QARS1: variants seen among roughly 807,000 people sequenced by gnomAD.
QARS1 encodes the protein glutamine--tRNA ligase.
A neutral mutation model predicts 106.9 loss-of-function variants in QARS1; 79 were observed. That is an observed-to-expected ratio of 0.74 (90% CI 0.62 to 0.89). The LOEUF is 0.89. QARS1 is among the 40% of genes least tolerant of loss of function. QARS1 has a pLI of 0.00. For synonymous variants in QARS1, 395 were observed against 367.7 expected (o/e 1.07, Z -0.85); for missense variants, 966 against 997.2 (o/e 0.97, Z 0.42).
At position 49,102,466 on chromosome 3, in the gene QARS1, G is replaced by A. The variant is rs1451934818; in HGVS notation, c.523C>T (p.His175Tyr). Residue 175 changes from histidine to tyrosine, a missense_variant, in exon 6 of 24, where the codon CAC becomes TAC. His to Tyr is a moderately conservative substitution (Grantham distance 83). Transcript: ENST00000306125. Reference protein sequence around the residue: ...IKNEVDMQVLHLLGPKLEADL... With the variant: ...IKNEVDMQVLYLLGPKLEADL... ...GCCTCCAACTTGGGGCCCAGAAGGT[G>A]GAGGACCTGAGCAGAGACCAGAATC... is the stretch of plus-strand genomic sequence containing the variant. The A allele has an allele frequency of 6.2e-7, 1 of 1,614,020 alleles. No individual in the cohort carries two copies. Among genetic ancestry groups the A allele is most frequent in the Non-Finnish European group, 8.5e-7 (1 of 1,180,036 alleles).
At chr3:49,098,509 T>C in intron 20 of QARS1, 29 bp from the exon 21 acceptor site, 1 of 1,613,936 alleles carries the variant, frequency 6.2e-7, no homozygotes, top group East Asian at 2.2e-5. Flanking sequence ...GAGCAGCAAT[T>C]AGACCCGGGA....
At position 49,104,463 on chromosome 3, in the gene QARS1, C is replaced by T; in HGVS notation, c.126G>A (p.Gln42=). 6.2e-7 allele frequency: 1 copy of T among 1,614,102 alleles called. No individual in the cohort carries two copies. The highest frequency in any genetic ancestry group is 8.5e-7 in the Non-Finnish European group (1 of 1,180,040). The part of the protein sequence containing the change: ...QLREAATQAQ[Q]TLGSTIDKAT... ...CTTTGTCAATGGTGGAACCCAGGGT[C>T]TGCTGAGCCTGAGGTCAGAGGGGTC... The change falls in exon 2 of 24, where the codon CAG becomes CAA. Residue 42 remains glutamine, a synonymous_variant. Coordinates refer to ENST00000306125, the MANE Select transcript of QARS1 (RefSeq NM_005051.3).
Position 49,102,200 on chromosome 3 carries a change from C to G in QARS1, c.631+5G>C. Reference sequence around the variant, plus strand: ...ATGCTGTGACAGGAGTCTCAAGCTTCTCACCATTCTCCACCACATCCTTTG... The same window carrying G: ...ATGCTGTGACAGGAGTCTCAAGCTTGTCACCATTCTCCACCACATCCTTTG... On this transcript the variant is annotated splice_donor_5th_base_variant and intron_variant, in intron 7 of 23. Coordinates refer to ENST00000306125, the MANE Select transcript of QARS1 (RefSeq NM_005051.3). The G allele has an allele frequency of 1.9e-6, 3 of 1,614,242 alleles. No homozygotes were observed. The highest frequency in any genetic ancestry group is 2.5e-6 in the Non-Finnish European group (3 of 1,180,032).
Position 49,101,898 on chromosome 3 carries a change from G to C in QARS1, c.633C>G (p.Gly211=), listed in dbSNP as rs752655908. The change falls in exon 8 of 24, where the codon GGC becomes GGG. Residue 211 remains glycine, a splice_region_variant and synonymous_variant. Coordinates refer to ENST00000306125, the MANE Select transcript of QARS1 (RefSeq NM_005051.3). ...GAGACAGGGTCTGGTCAGCAGTCTC[G>C]CCTGTGGGGAACAAAACAAGGAAAA... is the stretch of plus-strand genomic sequence containing the variant. ...RRTAKDVVEN[G]ETADQTLSLM... 12 of 1,607,510 alleles carry C rather than the reference G, an allele frequency of 7.5e-6. No homozygotes were observed. In the Admixed American group the frequency reaches 1.9e-4, roughly 25 times the overall value.
At position 49,100,181 on chromosome 3, in the gene QARS1, G is replaced by C; in HGVS notation, c.1164+9C>G. Reference sequence around the variant, plus strand: ...CCACCCAAACCCAGATGCTCCTCTAGGACCCCACCTCAAAGAGCAGCAGTG... The same window carrying C: ...CCACCCAAACCCAGATGCTCCTCTACGACCCCACCTCAAAGAGCAGCAGTG... On this transcript the variant is annotated intron_variant, in intron 13 of 23. Coordinates refer to ENST00000306125, the MANE Select transcript of QARS1 (RefSeq NM_005051.3). 1 of 1,614,178 alleles carries C rather than the reference G, an allele frequency of 6.2e-7. No individual in the cohort carries two copies. Among genetic ancestry groups the C allele is most frequent in the Non-Finnish European group, 8.5e-7 (1 of 1,180,012 alleles).
At chr3:49,096,551 G>A (rs1023092573) in intron 23 of QARS1, among the ~76,000 whole-genome samples, 1 of 152,064 alleles carries the variant, frequency 6.6e-6, no homozygotes, top group African/African-American at 2.4e-5. Flanking sequence ...TGTAATCCCA[G>A]CACTCTGGGA....
At chr3:49,100,702 C>T in intron 10 of QARS1, 28 bp from the exon 11 acceptor site, 1 of 1,462,136 alleles carries the variant, frequency 6.8e-7, no homozygotes, top group Non-Finnish European at 9.6e-7. Flanking sequence ...TCTGTGAACT[C>T]CCACATCATC....
In QARS1 at chr3:49,099,228, G is replaced by C. The variant is rs763565296; in HGVS notation, c.1640C>G (p.Thr547Arg). 4 of 1,614,158 alleles carry C rather than the reference G, an allele frequency of 2.5e-6. No individual in the cohort carries two copies. In the South Asian group the frequency reaches 4.4e-5, roughly 18 times the overall value. The change falls in exon 18 of 24, where the codon ACA becomes AGA. Residue 547 changes from threonine (T) to arginine (R), a missense_variant. By Grantham distance (71) the Thr-to-Arg change is moderately conservative. Coordinates refer to ENST00000306125, the MANE Select transcript of QARS1 (RefSeq NM_005051.3). ...ARVGVTVAQT[T>R]MEPHLLEACV... The stretch of plus-strand genomic sequence containing the variant: ...GGCTTCTAGAAGATGTGGCTCCATT[G>C]TGGTTTGTGCCACAGTCACTCCCAC...
Position 49,098,627 on chromosome 3 carries a change from G to A in QARS1, c.1929C>T (p.Tyr643=), listed in dbSNP as rs760702138. The A allele has an allele frequency of 4.3e-6, 7 of 1,611,672 alleles. No homozygotes were observed. The highest frequency in any genetic ancestry group is 2.2e-5 in the East Asian group (1 of 44,840). ...TGACAACATGCTGCAGCTCAATGAC[G>A]TAGCCTGTATGCCTCAGGCCCACAG... ...GQPVGLRHTG[Y]VIELQHVVKG... is the part of the protein sequence containing the mutation. Residue 643 remains tyrosine (Y), a synonymous_variant, in exon 20 of 24, where the codon TAC becomes TAT. Transcript: ENST00000306125.
rs774424848 is a variant in QARS1, at chr3:49,098,616, A to G, written c.1940T>C (p.Leu647Pro). The change falls in exon 20 of 24, where the codon CTG becomes CCG. Residue 647 changes from leucine (L) to proline (P), a missense_variant. Transcript: ENST00000306125. ...GGCTCTCACCTTGACAACATGCTGC[A>G]GCTCAATGACGTAGCCTGTATGCCT... ...GLRHTGYVIELQHVVKGPSGC... is the reference protein window; with the variant it reads ...GLRHTGYVIEPQHVVKGPSGC... 1.9e-6 allele frequency: 3 copies of G among 1,611,826 alleles called. No homozygotes were observed. Among genetic ancestry groups the G allele is most frequent in the Non-Finnish European group, 2.5e-6 (3 of 1,178,804 alleles).
Position 49,100,040 on chromosome 3 carries a change from G to A in QARS1, c.1216C>T (p.Leu406=). Residue 406 remains leucine (L), a synonymous_variant, in exon 14 of 24, where the codon CTG becomes TTG. Coordinates refer to ENST00000306125, the MANE Select transcript of QARS1 (RefSeq NM_005051.3). ...SEGEATLRMK[L]VMEDGKMDPV... ...TCCATCTTGCCATCCTCCATCACCA[G>A]CTTCATCCGTAGTGTGGCCTCGCCC... 2.5e-6 allele frequency: 4 copies of A among 1,614,222 alleles called. No homozygotes were observed. Among genetic ancestry groups the A allele is most frequent in the East Asian group, 4.5e-5 (2 of 44,890 alleles).
chr3:49,103,856 GACTC>G lies in QARS1; in HGVS notation c.375+3_375+6del. 5.0e-6 allele frequency: 8 copies of G among 1,613,124 alleles called. No individual in the cohort carries two copies. The highest frequency in any genetic ancestry group is 6.8e-6 in the Non-Finnish European group (8 of 1,179,192). ...GGGAGGCAGACGATGCCTGGGGAAA[GACTC>G]ACAGCCTCCTCAATCTGCTCTGGGG... is the stretch of plus-strand genomic sequence containing the variant. On this transcript the variant is annotated splice_donor_5th_base_variant and intron_variant, in intron 3 of 23. Transcript: ENST00000306125.
At chr3:49,103,240 G>T (rs2042494111) in intron 5 of QARS1, 105 bp downstream of exon 5, 2 of 1,237,112 alleles carry the variant, frequency 1.6e-6, no homozygotes, top group Non-Finnish European at 2.4e-6. Flanking sequence ...TCAGAAGCGT[G>T]AGCCACCATG....
At chr3:49,104,122 A>C (rs1218829700) in intron 2 of QARS1, 150 bp from the exon 3 acceptor site, 1 of 1,118,974 alleles carries the variant, frequency 8.9e-7, no homozygotes. Flanking sequence ...GGAAGAAAGA[A>C]GCACGTGTCG....
Position 49,102,268 on chromosome 3 carries a change from G to T in QARS1, c.571-3C>A, listed in dbSNP as rs1060502309. 6.2e-7 allele frequency: 1 copy of T among 1,614,200 alleles called. No individual in the cohort carries two copies. The highest frequency in any genetic ancestry group is 1.6e-4 in the Middle Eastern group (1 of 6,062). On this transcript the variant is annotated splice_polypyrimidine_tract_variant and splice_region_variant and intron_variant, in intron 6 of 23. Coordinates refer to ENST00000306125, the MANE Select transcript of QARS1 (RefSeq NM_005051.3). Reference sequence around the variant, plus strand: ...TCTTCTAGCCGAGCTTTTGCCACCTGAAAGAAGCCCCAGGTGCTTCAGAAA... The same window carrying T: ...TCTTCTAGCCGAGCTTTTGCCACCTTAAAGAAGCCCCAGGTGCTTCAGAAA...
Position 49,100,251 on chromosome 3 carries a change from T to C in QARS1, c.1103A>G (p.His368Arg). 6.2e-7 allele frequency: 1 copy of C among 1,614,260 alleles called. No homozygotes were observed. The highest frequency in any genetic ancestry group is 8.5e-7 in the Non-Finnish European group (1 of 1,180,050). ...TCTCCAGGGTGAAGGCAGAGTATTA[T>C]GGCCTTTGAGCTCCTCTCCTCGCTG... ...CHQRGEELKG[H>R]NTLPSPWRDR... is the part of the protein sequence containing the mutation. The change falls in exon 13 of 24, where the codon CAT becomes CGT. Residue 368 changes from histidine to arginine, a missense_variant. Coordinates refer to ENST00000306125, the MANE Select transcript of QARS1 (RefSeq NM_005051.3).
chr3:49,099,230 G>A lies in QARS1; in HGVS notation c.1638C>T (p.Thr546=), dbSNP rs1559966881. ...CTTCTAGAAGATGTGGCTCCATTGTGGTTTGTGCCACAGTCACTCCCACCT... is the reference window on the plus strand; with the variant it reads ...CTTCTAGAAGATGTGGCTCCATTGTAGTTTGTGCCACAGTCACTCCCACCT... ...CARVGVTVAQ[T]TMEPHLLEAC... is the part of the protein sequence containing the mutation. The change falls in exon 18 of 24, where the codon ACC becomes ACT. Residue 546 remains threonine, a synonymous_variant. Transcript: ENST00000306125. 6 of 1,614,156 alleles carry A rather than the reference G, an allele frequency of 3.7e-6. No individual in the cohort carries two copies. Among genetic ancestry groups the A allele is most frequent in the Non-Finnish European group, 5.1e-6 (6 of 1,180,022 alleles).
chr3:49,100,778 CT>C (rs754501546), intron 10 of QARS1, 104 bp from the exon 11 acceptor site: 209 of 1,038,340 alleles, frequency 2.0e-4, no homozygotes, highest in Middle Eastern at 4.0e-4. Flanking sequence ...TCAGAATTTT[CT>C]TTTTTTTTGA....
intron 18 of QARS1, 50 bp downstream of exon 18, chr3:49,099,053 CCAAGTGT>C (rs1470539748): frequency 8.7e-6 from 14 of 1,613,358 alleles, no homozygotes; most frequent in African/African-American, 1.3e-5. Context: ...ATGCCCAGAG[CCAAGTGT>C]ACCCCCAGCT....
Sources: gnomAD v4.1 joint callset for allele counts (sites outside exome capture counted in the v4.1 genomes callset) on GRCh38, gnomAD v4.1.1 for gene constraint, MANE v1.5 for transcripts, NCBI Gene and HGNC (gene_info 2026-07-23, HGNC 2026-07-21) for gene names.